The following TENM2 variants were observed in gnomAD, a reference collection of about 807,000 sequenced individuals.
The protein encoded by TENM2 is teneurin transmembrane protein 2, also known as teneurin-2.
TENM2 carries 52 observed loss-of-function variants against 245.2 expected under a neutral mutation model. The observed-to-expected ratio is 0.21, with a 90% CI of 0.17 to 0.27. The LOEUF (loss-of-function observed/expected upper bound fraction) is 0.27. TENM2 is among the 10% of genes least tolerant of loss of function. The pLI is 1.00. For missense variants in TENM2, 3,046 were observed against 3,666.8 expected, an observed-to-expected ratio of 0.83 and a Z score of 4.37; for synonymous variants, 1,363 against 1,438.9, an observed-to-expected ratio of 0.95 and a Z score of 1.19.
At chr5:167,110,196 C>G in the TENM2 span, among the ~76,000 whole-genome samples, 1 of 152,162 alleles carries the variant, frequency 6.6e-6, no homozygotes, top group East Asian at 1.9e-4. Context: ...ACCACTGAAT[C>G]TGGTGATAAA....
chr5:168,041,830 C>T (rs1321222562), intron 5 of TENM2, among the ~76,000 whole-genome samples: 2 of 152,216 alleles, frequency 1.3e-5, no homozygotes, highest in Non-Finnish European at 2.9e-5. Flanking sequence ...AGCCCAATAC[C>T]TGGCACATGG....
chr5:167,409,974 TATTA>T (rs1335562945), intron 2 of TENM2, among the ~76,000 whole-genome samples: 6 of 152,134 alleles, frequency 3.9e-5, no homozygotes, highest in East Asian at 1.9e-4. Flanking sequence ...TTGTAATTAA[TATTA>T]ATTTAATAAC....
intron 7 of TENM2, among the ~76,000 whole-genome samples, chr5:168,066,548 G>A (rs1790523007): frequency 6.6e-6 from 1 of 152,142 alleles, no homozygotes; most frequent in Non-Finnish European, 1.5e-5. Context: ...CAGCATTGTG[G>A]AAACGCCCAT....
intron 2 of TENM2, among the ~76,000 whole-genome samples, chr5:167,834,096 T>C (rs372951287): frequency 5.1e-5 from 1 of 19,734 alleles, no homozygotes; most frequent in African/African-American, 1.0e-4. Flanking sequence ...GAGACAAACA[T>C]AAACAGGTAA....
intron 5 of TENM2, among the ~76,000 whole-genome samples, chr5:168,026,105 T>C (rs1786603766): frequency 6.6e-6 from 1 of 152,162 alleles, no homozygotes; most frequent in Admixed American, 6.5e-5. Context: ...ATTTCTTTGC[T>C]CTTCTCAAGG....
chr5:167,894,729 G>C (rs1775036023), intron 3 of TENM2, among the ~76,000 whole-genome samples: 1 of 151,990 alleles, frequency 6.6e-6, no homozygotes, highest in African/African-American at 2.4e-5. Flanking sequence ...ACAAATTATT[G>C]TGCATATTTT....
At chr5:168,130,117 A>T (rs1283491227) in intron 12 of TENM2, 1 of 152,226 alleles carries the variant, frequency 6.6e-6, no homozygotes, top group Non-Finnish European at 1.5e-5. Flanking sequence ...GGGAAAAAAG[A>T]TGAGGACACA....
At chr5:167,351,037 T>C (rs868796418) in intron 1 of TENM2, among the ~76,000 whole-genome samples, 1 of 96,348 alleles carries the variant, frequency 1.0e-5, no homozygotes, top group Non-Finnish European at 2.2e-5. Context: ...TATATACATA[T>C]GGATATATAT....
intron 20 of TENM2, chr5:168,214,817 A>G (rs1254563772): frequency 3.1e-6 from 2 of 635,482 alleles, no homozygotes; most frequent in African/African-American, 3.6e-5. Context: ...CATGGTGGGA[A>G]ATGAATTTTC....
chr5:166,993,450 C>T, the TENM2 span, among the ~76,000 whole-genome samples: 1 of 152,050 alleles, frequency 6.6e-6, no homozygotes, highest in South Asian at 2.1e-4. Context: ...TAGCTCAGCC[C>T]GAAAGAGCTT....
the TENM2 span, among the ~76,000 whole-genome samples, chr5:167,135,579 A>G: frequency 6.6e-6 from 1 of 152,156 alleles, no homozygotes; most frequent in Non-Finnish European, 1.5e-5. Context: ...GATCGAGACC[A>G]TCCTGGCTAA....
At chr5:167,737,190 C>G (rs146665943) in intron 2 of TENM2, among the ~76,000 whole-genome samples, 1 of 152,274 alleles carries the variant, frequency 6.6e-6, no homozygotes, top group East Asian at 1.9e-4. Context: ...TTTAAATGGA[C>G]GAGCCTAAAG....
At chr5:167,612,004 G>C (rs762770744) in intron 2 of TENM2, among the ~76,000 whole-genome samples, 4 of 151,976 alleles carry the variant, frequency 2.6e-5, no homozygotes, top group Non-Finnish European at 5.9e-5. Flanking sequence ...ATATATATTT[G>C]ACTCCTTTGA....
chr5:167,280,736 ATCTG>A (rs770240667), upstream of TENM2, among the ~76,000 whole-genome samples: 301 of 146,168 alleles, frequency 2.1e-3, 1 homozygote, highest in African/African-American at 7.2e-3. Context: ...ATCTATATCT[ATCTG>A]TCTGTCTATC....
At chr5:168,056,782 T>C (rs1405304699) in intron 6 of TENM2, among the ~76,000 whole-genome samples, 1 of 152,164 alleles carries the variant, frequency 6.6e-6, no homozygotes, top group East Asian at 1.9e-4. Flanking sequence ...ATTTTTTATC[T>C]CTTATACCAT....
At chr5:167,070,980 G>T in the TENM2 span, among the ~76,000 whole-genome samples, 1 of 151,874 alleles carries the variant, frequency 6.6e-6, no homozygotes, top group Non-Finnish European at 1.5e-5. Context: ...GACTAAATTG[G>T]TGATCTAGCT....
chr5:167,035,700 CAG>C, the TENM2 span, among the ~76,000 whole-genome samples: 1 of 152,182 alleles, frequency 6.6e-6, no homozygotes, highest in Non-Finnish European at 1.5e-5. Flanking sequence ...AAAGGGGAGA[CAG>C]AGATTATGCC....
chr5:167,231,810 T>C, the TENM2 span, among the ~76,000 whole-genome samples: 1 of 150,968 alleles, frequency 6.6e-6, no homozygotes, highest in Non-Finnish European at 1.5e-5. Context: ...ATGGGGAAAA[T>C]ATCTCCAGGG....
chr5:167,550,520 C>T (rs1273254935), intron 2 of TENM2, among the ~76,000 whole-genome samples: 6 of 152,116 alleles, frequency 3.9e-5, no homozygotes, highest in African/African-American at 7.2e-5. Flanking sequence ...CAGACATCTT[C>T]GCACACCCCT....
Sources: allele counts gnomAD v4.1 joint callset (sites outside exome capture counted in the v4.1 genomes callset), GRCh38; gene constraint gnomAD v4.1.1; transcripts MANE v1.5; gene names NCBI Gene and HGNC (gene_info 2026-07-23, HGNC 2026-07-21).